PPP1R27: variants seen among roughly 807,000 people sequenced by gnomAD.
PPP1R27 encodes protein phosphatase 1 regulatory subunit 27, also known as dysferlin interacting protein 1.
Under a neutral mutation model 12.0 loss-of-function variants are expected in PPP1R27, and 10 were observed. The ratio of observed to expected loss-of-function variants is 0.84; its 90% CI spans 0.52 to 1.42. PPP1R27 has a LOEUF of 1.42. Ranked by LOEUF, PPP1R27 falls within the 40% of genes most tolerant of loss-of-function variation. The pLI is 0.00. For missense variants in PPP1R27, 246 were observed against 215.3 expected, an observed-to-expected ratio of 1.14 and a Z score of -0.89; for synonymous variants, 98 against 89.3, an observed-to-expected ratio of 1.10 and a Z score of -0.55.
Position 81,833,797 on chromosome 17 carries a change from G to T in PPP1R27, c.397C>A (p.Pro133Thr). The change falls in exon 3 of 3, where the codon CCC (proline) becomes ACC (threonine). Residue 133 changes from proline to threonine, a missense_variant. Transcript: ENST00000330261. ...TAGTCCGGGTCGATGAGGTCGGAGG[G>T]CAGGTCGCCATCGTCGTTGGTTGCA... is the stretch of plus-strand genomic sequence containing the variant. Reference protein sequence around the residue: ...RDATNDDGDLPSDLIDPDYKE... With the variant: ...RDATNDDGDLTSDLIDPDYKE... 6.4e-7 allele frequency: 1 copy of T among 1,566,428 alleles called. No homozygotes were observed. The highest frequency in any genetic ancestry group is 8.7e-7 in the Non-Finnish European group (1 of 1,155,402).
Position 81,833,837 on chromosome 17 carries a change from C to T in PPP1R27, c.357G>A (p.Leu119=). The T allele has an allele frequency of 1.3e-6, 2 of 1,591,856 alleles. No individual in the cohort carries two copies. The highest frequency in any genetic ancestry group is 2.3e-5 in the South Asian group (2 of 87,448). ...YPDIARYLIS[L]GADRDATNDD... Reference sequence around the variant, plus strand: ...CGTTGGTTGCATCCCTGTCCGCTCCCAGGGAGATAAGGTACCTGGGGTGTA... The same window carrying T: ...CGTTGGTTGCATCCCTGTCCGCTCCTAGGGAGATAAGGTACCTGGGGTGTA... The change falls in exon 3 of 3, where the codon CTG becomes CTA. Residue 119 remains leucine, a synonymous_variant. Transcript: ENST00000330261.
At chr17:81,834,327 G>T (rs1020476591) in intron 2 of PPP1R27, 176 bp downstream of exon 2, 1 of 652,438 alleles carries the variant, frequency 1.5e-6, no homozygotes, top group Non-Finnish European at 2.6e-6. Context: ...CAGGTGATCC[G>T]CCCACCTCGG....
chr17:81,834,391 C>CT, intron 2 of PPP1R27, 112 bp downstream of exon 2: 1 of 1,285,182 alleles, frequency 7.8e-7, no homozygotes. Context: ...CCCCCAGCCT[C>CT]TAGGGTTCTT....
chr17:81,834,260 C>T (rs1598258354), intron 2 of PPP1R27: 1 of 523,928 alleles, frequency 1.9e-6, no homozygotes. Flanking sequence ...CGCCACCACG[C>T]GTGGCTAATT....
chr17:81,834,801 C>G lies in PPP1R27; in HGVS notation c.153G>C (p.Arg51=), dbSNP rs765434775. 1.2e-5 allele frequency: 20 copies of G among 1,613,252 alleles called. No individual in the cohort carries two copies. The South Asian group carries it at 1.8e-4, about 14-fold the overall frequency. Reference sequence around the variant, plus strand: ...TGGTGGCCAGGGAGACTTTCCGAGTCCGGATGAAGCGCCCCACCTGCTCCA... The same window carrying G: ...TGGTGGCCAGGGAGACTTTCCGAGTGCGGATGAAGCGCCCCACCTGCTCCA... ...GDLEQVGRFI[R]TRKVSLATIH... Residue 51 remains arginine (R), a synonymous_variant, in exon 1 of 3, where the codon CGG becomes CGC. Coordinates refer to ENST00000330261, the MANE Select transcript of PPP1R27 (RefSeq NM_001007533.4).
Position 81,833,614 on chromosome 17 carries a change from A to T in PPP1R27, c.*115T>A. The T allele has an allele frequency of 1.8e-6, 2 of 1,122,610 alleles. No individual in the cohort carries two copies. The highest frequency in any genetic ancestry group is 2.5e-6 in the Non-Finnish European group (2 of 814,470). 69.5% of individuals were successfully genotyped at this position (1,122,610 alleles called of 1,614,324 possible). A position where few individuals can be genotyped will look rare whatever the true frequency, so the allele number is the denominator to read the frequency against. On this transcript the variant is annotated 3_prime_UTR_variant, in exon 3 of 3. Coordinates refer to ENST00000330261, the MANE Select transcript of PPP1R27 (RefSeq NM_001007533.4). ...CCTAGGAGGGGTGGCGGGGTCGTGG[A>T]GGGACGGGTCCGGCCGCCCCTGGCC...
At position 81,835,041 on chromosome 17, in the gene PPP1R27, G is replaced by A; in HGVS notation, c.-88C>T. ...CGGTCCCGACCAGATCAGCTTGAGG[G>A]CTCCTGTCGGACGAGCCCCGGCCTC... On this transcript the variant is annotated 5_prime_UTR_variant, in exon 1 of 3. Coordinates refer to ENST00000330261, the MANE Select transcript of PPP1R27 (RefSeq NM_001007533.4). 3.0e-6 allele frequency: 4 copies of A among 1,352,036 alleles called. No homozygotes were observed. The highest frequency in any genetic ancestry group is 1.5e-5 in the African/African-American group (1 of 68,200). The allele number at this position is 1,352,036 out of a possible 1,614,324, so 83.8% of individuals were successfully genotyped here.
Position 81,834,695 on chromosome 17 carries a change from T to C in PPP1R27, c.191-42A>G. On this transcript the variant is annotated intron_variant, in intron 1 of 2. Coordinates refer to ENST00000330261, the MANE Select transcript of PPP1R27 (RefSeq NM_001007533.4). The stretch of plus-strand genomic sequence containing the variant: ...GGAGGGGTCAAGACTGAGCCCCAGG[T>C]CAGGTCCTCCTTGCTGGCCTCTCCC... 4 of 1,612,042 alleles carry C rather than the reference T, an allele frequency of 2.5e-6. No individual in the cohort carries two copies. In the South Asian group the frequency reaches 4.4e-5, roughly 18 times the overall value.
chr17:81,833,952 TC>T, intron 2 of PPP1R27, 100 bp from the exon 3 acceptor site: 1 of 1,382,608 alleles, frequency 7.2e-7, no homozygotes, highest in Non-Finnish European at 9.8e-7. Context: ...CACCTGTGTG[TC>T]CCCCACCTTG....
At position 81,833,814 on chromosome 17, in the gene PPP1R27, T is replaced by C. The variant is rs1456307187; in HGVS notation, c.380A>G (p.Asn127Ser). Residue 127 changes from asparagine to serine, a missense_variant, in exon 3 of 3, where the codon AAC (asparagine) becomes AGC (serine). Asn to Ser is a conservative substitution (Grantham distance 46). Coordinates refer to ENST00000330261, the MANE Select transcript of PPP1R27 (RefSeq NM_001007533.4). Reference protein sequence around the residue: ...ISLGADRDATNDDGDLPSDLI... With the variant: ...ISLGADRDATSDDGDLPSDLI... ...GTCGGAGGGCAGGTCGCCATCGTCG[T>C]TGGTTGCATCCCTGTCCGCTCCCAG... 1 of 1,579,580 alleles carries C rather than the reference T, an allele frequency of 6.3e-7. No homozygotes were observed. Among genetic ancestry groups the C allele is most frequent in the African/African-American group, 1.3e-5 (1 of 74,328 alleles).
Position 81,834,818 on chromosome 17 carries a change from C to T in PPP1R27, c.136G>A (p.Val46Met). The T allele has an allele frequency of 6.2e-7, 1 of 1,613,680 alleles. No homozygotes were observed. The highest frequency in any genetic ancestry group is 1.7e-5 in the Admixed American group (1 of 60,012). ...TTCCGAGTCCGGATGAAGCGCCCCA[C>T]CTGCTCCAGGTCACCCTGCCGGATG... Reference protein sequence around the residue: ...DHIRQGDLEQVGRFIRTRKVS... With the variant: ...DHIRQGDLEQMGRFIRTRKVS... The change falls in exon 1 of 3, where the codon GTG becomes ATG. Residue 46 changes from valine to methionine, a missense_variant. Val to Met is a conservative substitution (Grantham distance 21, BLOSUM62 1). Coordinates refer to ENST00000330261, the MANE Select transcript of PPP1R27 (RefSeq NM_001007533.4).
Position 81,834,803 on chromosome 17 carries a change from G to C in PPP1R27, c.151C>G (p.Arg51Gly), listed in dbSNP as rs747190174. Residue 51 changes from arginine to glycine, a missense_variant, in exon 1 of 3, where the codon CGG (arginine) becomes GGG (glycine). Arg to Gly is a moderately radical substitution (Grantham distance 125). Transcript: ENST00000330261. ...GDLEQVGRFI[R>G]TRKVSLATIH... ...GTGGCCAGGGAGACTTTCCGAGTCCGGATGAAGCGCCCCACCTGCTCCAGG... is the reference window on the plus strand; with the variant it reads ...GTGGCCAGGGAGACTTTCCGAGTCCCGATGAAGCGCCCCACCTGCTCCAGG... 2 of 1,613,284 alleles carry C rather than the reference G, an allele frequency of 1.2e-6. No individual in the cohort carries two copies. The highest frequency in any genetic ancestry group is 1.3e-5 in the African/African-American group (1 of 74,950).
intron 2 of PPP1R27, chr17:81,834,247 G>C: frequency 2.0e-6 from 1 of 503,130 alleles, no homozygotes; most frequent in Admixed American, 3.4e-5. Context: ...GATTACAGGC[G>C]CGCGCCACCA....
intron 2 of PPP1R27, 53 bp from the exon 3 acceptor site, chr17:81,833,905 C>T (rs559286518): frequency 2.6e-6 from 4 of 1,567,830 alleles, no homozygotes; most frequent in South Asian, 1.2e-5. Flanking sequence ...GGAGAGTGCT[C>T]GCCCCAACCC....
rs369031370 is a variant in PPP1R27, at chr17:81,835,001, G to T, written c.-48C>A. On this transcript the variant is annotated 5_prime_UTR_variant, in exon 1 of 3. Transcript: ENST00000330261. ...GCCCCTGGGGACCCTACTGCACTGG[G>T]GTTAATAATGTATCCGGTCCCGACC... The T allele has an allele frequency of 5.3e-6, 8 of 1,500,332 alleles. No homozygotes were observed. The highest frequency in any genetic ancestry group is 2.8e-5 in the African/African-American group (2 of 72,152). 92.9% of individuals were successfully genotyped at this position (1,500,332 alleles called of 1,614,324 possible).
chr17:81,834,043 A>T, intron 2 of PPP1R27, 191 bp from the exon 3 acceptor site: 2 of 619,030 alleles, frequency 3.2e-6, no homozygotes, highest in Non-Finnish European at 5.5e-6. Context: ...AGTTGGTTCT[A>T]TTGAGGACAA....
intron 2 of PPP1R27, chr17:81,834,080 C>T: frequency 1.8e-6 from 1 of 545,370 alleles, no homozygotes. Flanking sequence ...CCAGAAGCCT[C>T]TAGGGTTTGC....
chr17:81,834,026 C>T, intron 2 of PPP1R27, 174 bp from the exon 3 acceptor site: 1 of 688,948 alleles, frequency 1.5e-6, no homozygotes, highest in Admixed American at 3.1e-5. Flanking sequence ...CTGTGGCCAG[C>T]TTTTCAAGTT....
intron 2 of PPP1R27, 34 bp from the exon 3 acceptor site, chr17:81,833,886 G>T (rs1175170949): frequency 6.3e-7 from 1 of 1,586,280 alleles, no homozygotes; most frequent in East Asian, 2.3e-5. Flanking sequence ...CTGAAGCGGG[G>T]AGGAGCCAGG....
Sources: gnomAD v4.1 joint callset for allele counts on GRCh38, gnomAD v4.1.1 for gene constraint, MANE v1.5 for transcripts, NCBI Gene and HGNC (gene_info 2026-07-23, HGNC 2026-07-21) for gene names.